The following ARHGAP21 variants were observed in gnomAD, a reference collection of about 807,000 sequenced individuals.
ARHGAP21 encodes rho GTPase-activating protein 21.
In ARHGAP21, 38 loss-of-function variants were observed where a neutral mutation model predicts 164.6. The ratio of observed to expected loss-of-function variants is 0.23; its 90% CI spans 0.18 to 0.30. The LOEUF is 0.30. ARHGAP21 is among the 10% of genes least tolerant of loss of function. The pLI, the probability that ARHGAP21 is intolerant of heterozygous loss-of-function variation, is 1.00. For synonymous variants in ARHGAP21, 766 were observed against 857.9 expected, an observed-to-expected ratio of 0.89 and a Z score of 1.87; for missense variants, 1,822 against 2,370.7, an observed-to-expected ratio of 0.77 and a Z score of 4.81.
At chr10:24,648,187 C>T (rs1158668365) in intron 4 of ARHGAP21, among the ~76,000 whole-genome samples, 1 of 152,130 alleles carries the variant, frequency 6.6e-6, no homozygotes, top group Non-Finnish European at 1.5e-5. Context: ...TATTTGCCTT[C>T]ATTAGGTTCG....
intron 24 of ARHGAP21, 148 bp downstream of exon 24, chr10:24,591,077 A>AAAAGGAAGATTAAGGTTTTTTATTAGTAG: frequency 1.0e-6 from 1 of 978,136 alleles, no homozygotes; most frequent in South Asian, 1.9e-5. Flanking sequence ...GATCAATTGG[A>AAAAGGAAGATTAAGGTTTTTTATTAGTAG]AAAGGAAGAT....
In ARHGAP21 at chr10:24,721,916, A is replaced by C; in HGVS notation, c.-17T>G. On this transcript the variant is annotated 5_prime_UTR_variant, in exon 2 of 26. Coordinates refer to ENST00000396432, the MANE Select transcript of ARHGAP21 (RefSeq NM_020824.4). ...GGCCATCATTTCATTTCAAATGACA[A>C]AGAAGGGACAAATCCTTTGGAGTCC... is the stretch of plus-strand genomic sequence containing the variant. 1 of 1,613,748 alleles carries C rather than the reference A, an allele frequency of 6.2e-7. No homozygotes were observed. The highest frequency in any genetic ancestry group is 1.1e-5 in the South Asian group (1 of 90,964).
At chr10:24,595,084 G>A (rs752612284) in intron 20 of ARHGAP21, 33 bp downstream of exon 20, 1 of 1,606,410 alleles carries the variant, frequency 6.2e-7, no homozygotes, top group Non-Finnish European at 8.5e-7. Flanking sequence ...CTGAATTTTA[G>A]TTGTATCCCC....
rs150228294 is a variant in ARHGAP21 at position 24,613,123 on chromosome 10, C to T, written c.2423-5220G>A. ...ACTCCCTAGGCAAATTTAAATGAGC[C>T]CCATTAATACCAATTACTGAACATC... On this transcript the variant is annotated intron_variant, in intron 9 of 25. Transcript: ENST00000396432. Among the ~76,000 whole-genome samples the T allele has an allele frequency of 2.7e-4, 41 of 151,828 alleles. 1 individual carries two copies. In the South Asian group the frequency reaches 7.9e-3, roughly 29 times the overall value.
At chr10:24,699,925 G>A (rs567345418) in intron 2 of ARHGAP21, among the ~76,000 whole-genome samples, 3 of 152,064 alleles carry the variant, frequency 2.0e-5, no homozygotes, top group African/African-American at 7.2e-5. Context: ...TTCAACTAAC[G>A]TTCCTGCGGC....
chr10:24,621,486 T>C, intron 8 of ARHGAP21, 117 bp from the exon 9 acceptor site: 2 of 887,302 alleles, frequency 2.3e-6, no homozygotes, highest in Non-Finnish European at 3.4e-6. Flanking sequence ...ACATTCACTA[T>C]AGCATGCATG....
intron 4 of ARHGAP21, among the ~76,000 whole-genome samples, chr10:24,640,444 G>A (rs2131420187): frequency 6.6e-6 from 1 of 151,806 alleles, no homozygotes; most frequent in East Asian, 1.9e-4. Context: ...TCAAAAAATG[G>A]TATTTTTTCC....
At chr10:24,621,496 G>T in intron 8 of ARHGAP21, 127 bp from the exon 9 acceptor site, 2 of 798,458 alleles carry the variant, frequency 2.5e-6, no homozygotes, top group Non-Finnish European at 3.9e-6. Context: ...TAGCATGCAT[G>T]CAAACACAAC....
chr10:24,590,964 C>T (rs375816798), intron 24 of ARHGAP21: 2 of 770,542 alleles, frequency 2.6e-6, no homozygotes, highest in African/African-American at 2.1e-5. Flanking sequence ...AAAAAAAGAA[C>T]AAAACAGTGG....
intron 25 of ARHGAP21, among the ~76,000 whole-genome samples, chr10:24,586,832 G>C (rs2076122721): frequency 6.6e-6 from 1 of 152,130 alleles, no homozygotes; most frequent in African/African-American, 2.4e-5. Context: ...CAGATTGCTC[G>C]AGCCCAGAAG....
intron 2 of ARHGAP21, among the ~76,000 whole-genome samples, chr10:24,715,396 T>C (rs1845267826): frequency 6.6e-6 from 1 of 152,218 alleles, no homozygotes; most frequent in African/African-American, 2.4e-5. Context: ...ATACTAGCCA[T>C]TCGTTTTAAG....
chr10:24,659,527 CTGGTCTCG>C (rs1339795346), intron 4 of ARHGAP21, among the ~76,000 whole-genome samples: 20 of 152,164 alleles, frequency 1.3e-4, no homozygotes, highest in African/African-American at 4.8e-4. Flanking sequence ...GTTGGTCAGG[CTGGTCTCG>C]AACTCCCAAC....
At chr10:24,688,580 C>A (rs1443480667) in intron 2 of ARHGAP21, among the ~76,000 whole-genome samples, 1 of 152,108 alleles carries the variant, frequency 6.6e-6, no homozygotes, top group Non-Finnish European at 1.5e-5. Flanking sequence ...GATGGGGAAA[C>A]AACTTATAGA....
At chr10:24,691,962 A>T (rs1394797755) in intron 2 of ARHGAP21, among the ~76,000 whole-genome samples, 1 of 152,258 alleles carries the variant, frequency 6.6e-6, no homozygotes, top group East Asian at 1.9e-4. Flanking sequence ...AATCCAATAT[A>T]CCATAAATTT....
chr10:24,603,112 G>A (rs2076882569), intron 12 of ARHGAP21, among the ~76,000 whole-genome samples: 1 of 152,168 alleles, frequency 6.6e-6, no homozygotes, highest in African/African-American at 2.4e-5. Flanking sequence ...GGAGACCTCT[G>A]CATAAGATCA....
chr10:24,698,365 C>T (rs1015046120), intron 2 of ARHGAP21, among the ~76,000 whole-genome samples: 5 of 152,134 alleles, frequency 3.3e-5, no homozygotes, highest in African/African-American at 9.7e-5. Flanking sequence ...CTTGCTCAGT[C>T]ACACAACCAA....
intron 17 of ARHGAP21, 189 bp from the exon 18 acceptor site, chr10:24,596,232 A>G (rs2076572882): frequency 2.0e-6 from 1 of 511,044 alleles, no homozygotes; most frequent in Non-Finnish European, 3.3e-6. Context: ...TAAGAAGAGA[A>G]CAAAGAGACT....
chr10:24,586,737 A>G (rs1222752651), intron 25 of ARHGAP21, among the ~76,000 whole-genome samples: 1 of 152,160 alleles, frequency 6.6e-6, no homozygotes, highest in Non-Finnish European at 1.5e-5. Flanking sequence ...ATCTCAAGGT[A>G]ACAATGGAAT....
intron 4 of ARHGAP21, among the ~76,000 whole-genome samples, chr10:24,651,393 T>C (rs1159089995): frequency 6.6e-6 from 1 of 152,194 alleles, no homozygotes; most frequent in African/African-American, 2.4e-5. Context: ...GGTCTCAGGT[T>C]TTCCCCTGTC....
Sources: allele counts gnomAD v4.1 joint callset (sites outside exome capture counted in the v4.1 genomes callset), GRCh38; gene constraint gnomAD v4.1.1; transcripts MANE v1.5; gene names NCBI Gene and HGNC (gene_info 2026-07-23, HGNC 2026-07-21).